The following CDYL variants were observed in gnomAD, a reference collection of about 807,000 sequenced individuals.
CDYL encodes chromodomain Y like.
CDYL carries 8 observed loss-of-function variants against 47.3 expected under a neutral mutation model. That is an observed-to-expected ratio of 0.17 (90% CI 0.10 to 0.31). The LOEUF is 0.31. Among genes scored for constraint, CDYL ranks in the 10% least tolerant of loss-of-function variants. The pLI, the probability that CDYL is intolerant of heterozygous loss-of-function variation, is 1.00. For missense variants in CDYL, 471 were observed against 701.4 expected (o/e 0.67, Z 3.71); for synonymous variants, 266 against 265.0 (o/e 1.00, Z -0.04).
chr6:4,952,702 T>C (rs1758744648), intron 6 of CDYL, among the ~76,000 whole-genome samples: 1 of 152,138 alleles, frequency 6.6e-6, no homozygotes, highest in South Asian at 2.1e-4. Context: ...CTTTACTGGT[T>C]CCAAAGCCTT....
intron 5 of CDYL, among the ~76,000 whole-genome samples, chr6:4,944,151 A>C (rs966750630): frequency 1.3e-5 from 2 of 152,118 alleles, no homozygotes; most frequent in African/African-American, 2.4e-5. Context: ...GTGTGTTTTT[A>C]TTTCTTTAAC....
intron 2 of CDYL, among the ~76,000 whole-genome samples, chr6:4,903,233 G>A (rs1389544727): frequency 6.6e-6 from 1 of 152,178 alleles, no homozygotes; most frequent in Admixed American, 6.5e-5. Flanking sequence ...GCAGGCCTGT[G>A]CTCCTGCGCC....
chr6:4,912,616 T>C (rs970891983), intron 2 of CDYL, among the ~76,000 whole-genome samples: 3 of 152,228 alleles, frequency 2.0e-5, no homozygotes, highest in African/African-American at 7.2e-5. Flanking sequence ...CATTTTCAGA[T>C]ATTTGTGAGA....
At chr6:4,744,983 G>A (rs972706772) in intron 3 of CDYL, among the ~76,000 whole-genome samples, 25 of 152,046 alleles carry the variant, frequency 1.6e-4, no homozygotes, top group Admixed American at 1.5e-3. Context: ...TTAGAGACAG[G>A]CCCCTGGCTC....
chr6:4,713,839 C>A (rs561374174), intron 1 of CDYL, among the ~76,000 whole-genome samples: 1 of 152,178 alleles, frequency 6.6e-6, no homozygotes, highest in Admixed American at 6.5e-5. Context: ...CTGCCTGCCT[C>A]GGCCTCCCAA....
intron 1 of CDYL, among the ~76,000 whole-genome samples, chr6:4,707,289 T>C (rs1472311396): frequency 4.6e-5 from 7 of 151,844 alleles, no homozygotes; most frequent in Non-Finnish European, 2.9e-5. Flanking sequence ...TTTTTGTTTT[T>C]TATTTGAGAC....
intron 2 of CDYL, among the ~76,000 whole-genome samples, chr6:4,921,452 C>A (rs536432934): frequency 2.6e-5 from 4 of 152,346 alleles, no homozygotes; most frequent in Non-Finnish European, 2.9e-5. Context: ...TGGGGAGTTA[C>A]AACAGCTCTT....
Position 4,756,322 on chromosome 6 carries a change from T to C in CDYL, c.186+21478T>C, listed in dbSNP as rs923641463. ...CAATAGCTGATAAAATTCACTCCACTCTTTTGCTCTCTTCACACTGCTTGG... is the reference window on the plus strand; with the variant it reads ...CAATAGCTGATAAAATTCACTCCACCCTTTTGCTCTCTTCACACTGCTTGG... On this transcript the variant is annotated intron_variant, in intron 3 of 8. Transcript: ENST00000328908. Among the ~76,000 whole-genome samples the C allele has an allele frequency of 2.0e-5, 3 of 152,170 alleles. 1 individual carries two copies. The highest frequency in any genetic ancestry group is 7.2e-5 in the African/African-American group (3 of 41,442).
upstream of CDYL, chr6:4,774,542 G>A (rs888461935): frequency 1.4e-4 from 22 of 152,258 alleles, 1 homozygote; most frequent in Admixed American, 1.4e-3. Context: ...AGTTGATGAA[G>A]TGGTGGCTTT....
At chr6:4,880,177 C>T (rs1025962284) in intron 1 of CDYL, among the ~76,000 whole-genome samples, 1 of 152,136 alleles carries the variant, frequency 6.6e-6, no homozygotes, top group Non-Finnish European at 1.5e-5. Context: ...CCTTTGTGCT[C>T]TGCCTTTATG....
rs200835710 is a variant in CDYL, at chr6:4,717,703, CAAAAAAAAAAAAAAAAA to C, written c.103+1843_103+1859del. 2.9e-3 allele frequency among the ~76,000 whole-genome samples: 141 copies of C among 49,360 alleles called. 1 individual carries two copies. The highest frequency in any genetic ancestry group is 8.9e-3 in the African/African-American group (95 of 10,730). 32.4% of individuals were successfully genotyped at this position (49,360 alleles called of 152,430 possible). A position where few individuals can be genotyped will look rare whatever the true frequency, so the allele number is the denominator to read the frequency against. ...TTAGGCAACAGAACAAAGACCCTCA[CAAAAAAAAAAAAAAAAA>C]AAAAAAAAAAAAAAAAAAAATTAAA... On this transcript the variant is annotated intron_variant, in intron 2 of 8. Coordinates refer to the CDYL transcript ENST00000328908.
intron 2 of CDYL, among the ~76,000 whole-genome samples, chr6:4,914,513 G>A (rs1053382840): frequency 6.6e-6 from 1 of 152,148 alleles, no homozygotes; most frequent in African/African-American, 2.4e-5. Context: ...AGTCCACATG[G>A]CCCCAGCTTT....
At chr6:4,762,758 AC>A (rs1284629461) in intron 3 of CDYL, among the ~76,000 whole-genome samples, 1 of 152,030 alleles carries the variant, frequency 6.6e-6, no homozygotes, top group East Asian at 1.9e-4. Flanking sequence ...TAGTAGAAAA[AC>A]AAAATAATAG....
chr6:4,901,212 G>T (rs1342631545), intron 2 of CDYL, among the ~76,000 whole-genome samples: 1 of 152,012 alleles, frequency 6.6e-6, no homozygotes, highest in Non-Finnish European at 1.5e-5. Flanking sequence ...TATAGTTCTT[G>T]CTCCTTTTGA....
chr6:4,719,373 G>GT (rs1757328956), intron 2 of CDYL, among the ~76,000 whole-genome samples: 1 of 152,084 alleles, frequency 6.6e-6, no homozygotes, highest in Admixed American at 6.6e-5. Flanking sequence ...AATACACATT[G>GT]TCCTTAAATT....
At chr6:4,706,323 A>C (rs1261826289) in intron 1 of CDYL, 3 of 152,122 alleles carry the variant, frequency 2.0e-5, no homozygotes, top group African/African-American at 7.2e-5. Flanking sequence ...CTTCAACCAA[A>C]AGCTTCACTC....
At chr6:4,729,431 C>T (rs1028929240) in intron 2 of CDYL, among the ~76,000 whole-genome samples, 1 of 151,922 alleles carries the variant, frequency 6.6e-6, no homozygotes, top group African/African-American at 2.4e-5. Context: ...TCTCAGACCT[C>T]TGGCAAATCT....
At chr6:4,822,861 T>C (rs1259376670) in intron 1 of CDYL, among the ~76,000 whole-genome samples, 1 of 152,236 alleles carries the variant, frequency 6.6e-6, no homozygotes, top group Non-Finnish European at 1.5e-5. Flanking sequence ...TCTACTTCTG[T>C]GCTCACAAGG....
chr6:4,838,008 G>T (rs1336139945), intron 1 of CDYL, among the ~76,000 whole-genome samples: 7 of 151,790 alleles, frequency 4.6e-5, no homozygotes, highest in African/African-American at 1.7e-4. Context: ...GAACTCCTGG[G>T]CTCAAGCAAT....
Sources: allele counts gnomAD v4.1 joint callset (sites outside exome capture counted in the v4.1 genomes callset), GRCh38; gene constraint gnomAD v4.1.1; transcripts MANE v1.5; gene names NCBI Gene and HGNC (gene_info 2026-07-23, HGNC 2026-07-21).